AZIN2: variants seen among roughly 807,000 people sequenced by gnomAD.
AZIN2 encodes the protein antizyme inhibitor 2, also known as ODC antizyme inhibitor-2.
A neutral mutation model predicts 47.8 loss-of-function variants in AZIN2; 28 were observed. That is an observed-to-expected ratio of 0.59 (90% confidence interval 0.43 to 0.80). The LOEUF (loss-of-function observed/expected upper bound fraction) is 0.80. AZIN2 is among the 30% of genes least tolerant of loss of function. The probability of loss-of-function intolerance (pLI) is 0.00; values close to 1 mark genes in which losing one functional copy is unlikely to be tolerated. For missense variants in AZIN2, 535 were observed against 582.5 expected, an observed-to-expected ratio of 0.92 and a Z score of 0.84; for synonymous variants, 221 against 239.4, an observed-to-expected ratio of 0.92 and a Z score of 0.71.
In AZIN2 at chr1:33,098,151, A is replaced by G. The variant is rs772212217; in HGVS notation, c.1001A>G (p.Asn334Ser). 1 of 1,613,654 alleles carries G rather than the reference A, an allele frequency of 6.2e-7. No individual in the cohort carries two copies. Among genetic ancestry groups the G allele is most frequent in the Non-Finnish European group, 8.5e-7 (1 of 1,179,834 alleles). The change falls in exon 10 of 12, where the codon AAC becomes AGC. Residue 334 changes from asparagine (N) to serine (S), a missense_variant. By Grantham distance (46) the Asn-to-Ser change is conservative. Around this residue, in one of 3 missense-constraint regions of AZIN2, gnomAD observed 409 missense variants for 429.0 expected, o/e 0.95. Transcript: ENST00000294517. ...YGIFNSVLFD[N>S]ICPTPILQKK... is the part of the protein sequence containing the mutation. The stretch of plus-strand genomic sequence containing the variant: ...ATCTTCAACTCAGTCCTGTTTGACA[A>G]CATCTGCCCTACCCCCATCCTGCAG...
At chr1:33,100,597 T>C (rs909147817) in intron 10 of AZIN2, among the ~76,000 whole-genome samples, 1 of 151,900 alleles carries the variant, frequency 6.6e-6, no homozygotes, top group Non-Finnish European at 1.5e-5. Context: ...GTGATTAGTA[T>C]ACAAGCTACA....
chr1:33,093,297 T>C lies in AZIN2; in HGVS notation c.468T>C (p.Ile156=). The C allele has an allele frequency of 6.2e-7, 1 of 1,614,064 alleles. No individual in the cohort carries two copies. Among genetic ancestry groups the C allele is most frequent in the African/African-American group, 1.3e-5 (1 of 75,032 alleles). The change falls in exon 7 of 12, where the codon ATT becomes ATC. Residue 156 remains isoleucine (I), a synonymous_variant. Coordinates refer to ENST00000294517, the MANE Select transcript of AZIN2 (RefSeq NM_052998.4). ...GTCTCATCAGGATGGTTCTGTGCAT[T>C]GCTACCGATGACTCCCACTCCCTGA... ...SHPSAKMVLC[I]ATDDSHSLSC...
At chr1:33,101,504 T>G (rs1643691867) in intron 10 of AZIN2, among the ~76,000 whole-genome samples, 1 of 151,968 alleles carries the variant, frequency 6.6e-6, no homozygotes, top group Non-Finnish European at 1.5e-5. Flanking sequence ...GTATTTTTTT[T>G]TTTTTTTTTG....
chr1:33,106,815 C>T (rs1644026885), intron 10 of AZIN2, among the ~76,000 whole-genome samples: 1 of 152,146 alleles, frequency 6.6e-6, no homozygotes, highest in Admixed American at 6.5e-5. Context: ...ATGTTATACT[C>T]AACAAGGATC....
chr1:33,154,507 GT>G, the AZIN2 span, among the ~76,000 whole-genome samples: 4 of 149,530 alleles, frequency 2.7e-5, no homozygotes, highest in South Asian at 4.3e-4. Context: ...AATTAAATTT[GT>G]TTTTTTTGAG....
chr1:33,093,240 G>A (rs768904428), intron 6 of AZIN2, 42 bp from the exon 7 acceptor site: 42 of 1,609,056 alleles, frequency 2.6e-5, no homozygotes, highest in Non-Finnish European at 3.1e-5. Context: ...GGGGTGGGGC[G>A]ACAGGGTTTG....
chr1:33,166,342 C>G, the AZIN2 span: 3 of 152,074 alleles, frequency 2.0e-5, no homozygotes, highest in African/African-American at 4.8e-5. Flanking sequence ...ACCCCCACCC[C>G]CTGCGGTTTG....
the AZIN2 span, among the ~76,000 whole-genome samples, chr1:33,138,806 C>T: frequency 5.3e-5 from 8 of 152,056 alleles, no homozygotes; most frequent in African/African-American, 1.9e-4. Context: ...AGGAAAGCAA[C>T]ACATTTTAAA....
At chr1:33,105,709 A>G (rs1643970076) in intron 10 of AZIN2, among the ~76,000 whole-genome samples, 1 of 152,234 alleles carries the variant, frequency 6.6e-6, no homozygotes, top group Non-Finnish European at 1.5e-5. Flanking sequence ...ATTCAAGATG[A>G]GATTTGGGTG....
At chr1:33,097,856 T>C in intron 9 of AZIN2, 3 of 578,738 alleles carry the variant, frequency 5.2e-6, no homozygotes, top group South Asian at 4.5e-5. Context: ...CCTGGGCAGG[T>C]TGCTTGGCTG....
chr1:33,103,796 C>A (rs1643873349), intron 10 of AZIN2, among the ~76,000 whole-genome samples: 1 of 151,970 alleles, frequency 6.6e-6, no homozygotes, highest in Non-Finnish European at 1.5e-5. Flanking sequence ...ACTGTGAGAC[C>A]CTTGAGGGTC....
intron 10 of AZIN2, among the ~76,000 whole-genome samples, chr1:33,109,050 T>C (rs751376182): frequency 6.6e-5 from 10 of 152,262 alleles, no homozygotes; most frequent in Non-Finnish European, 1.3e-4. Context: ...ACCAGTGTTC[T>C]GAATTTTGGC....
rs1644830614 is a variant in AZIN2, at chr1:33,123,382, T to C, written c.*3200T>C. 6.6e-6 allele frequency among the ~76,000 whole-genome samples: 1 copy of C among 152,276 alleles called. No homozygotes were observed. Among genetic ancestry groups the C allele is most frequent in the East Asian group, 1.9e-4 (1 of 5,206 alleles). Reference sequence around the variant, plus strand: ...GAATAAACCTGATTTATTTTTTCACTGCTGTGTCCTTATTACCTAGAACGG... The same window carrying C: ...GAATAAACCTGATTTATTTTTTCACCGCTGTGTCCTTATTACCTAGAACGG... On this transcript the variant is annotated 3_prime_UTR_variant, in exon 12 of 12. Transcript: ENST00000294517.
the AZIN2 span, among the ~76,000 whole-genome samples, chr1:33,139,731 A>G: frequency 6.6e-6 from 1 of 152,208 alleles, no homozygotes; most frequent in Non-Finnish European, 1.5e-5. Context: ...GTGCGTGGCC[A>G]TTAGCCTGTA....
chr1:33,099,011 A>C (rs1643439286), intron 10 of AZIN2, among the ~76,000 whole-genome samples: 1 of 150,976 alleles, frequency 6.6e-6, no homozygotes, highest in Non-Finnish European at 1.5e-5. Context: ...ATCATCCACC[A>C]ACTTTGGCCT....
At chr1:33,136,113 C>CCCTTCCTTCCTTCCTTCCTTCCTT in the AZIN2 span, among the ~76,000 whole-genome samples, 11 of 103,512 alleles carry the variant, frequency 1.1e-4, no homozygotes, top group Admixed American at 2.9e-4. Context: ...CAGGGGCCAG[C>CCCTTCCTTCCTTCCTTCCTTCCTT]CCTTCCTTCC....
intron 9 of AZIN2, 154 bp downstream of exon 9, chr1:33,097,023 C>G (rs139236056): frequency 1.4e-5 from 12 of 841,906 alleles, no homozygotes; most frequent in African/African-American, 1.4e-4. Context: ...AGTCAAGTCG[C>G]CCCACCCCAA....
chr1:33,152,878 G>A, the AZIN2 span, among the ~76,000 whole-genome samples: 1 of 152,284 alleles, frequency 6.6e-6, no homozygotes, highest in South Asian at 2.1e-4. Context: ...TGGGGAGAAG[G>A]CAGGAGCAAG....
At chr1:33,097,313 T>C (rs1643259276) in intron 9 of AZIN2, among the ~76,000 whole-genome samples, 1 of 152,194 alleles carries the variant, frequency 6.6e-6, no homozygotes, top group South Asian at 2.1e-4. Flanking sequence ...GAGTCCACTT[T>C]ACAGATGACA....
Sources: allele counts gnomAD v4.1 joint callset (sites outside exome capture counted in the v4.1 genomes callset), GRCh38; gene constraint gnomAD v4.1.1; regional missense constraint gnomAD v4.1.1; transcripts MANE v1.5; gene names NCBI Gene and HGNC (gene_info 2026-07-23, HGNC 2026-07-21).